The following SEMA5B variants were observed in gnomAD, a reference collection of about 807,000 sequenced individuals.
SEMA5B encodes the protein semaphorin 5B.
In SEMA5B, 66 loss-of-function variants were observed where a neutral mutation model predicts 135.0. The ratio of observed to expected loss-of-function variants is 0.49; its 90% CI spans 0.40 to 0.60. The LOEUF (loss-of-function observed/expected upper bound fraction) is 0.60. Ranked by LOEUF, SEMA5B falls within the 20% of genes least tolerant of loss-of-function variation. SEMA5B has a pLI of 0.00. For missense variants in SEMA5B, 1,501 were observed against 1,566.3 expected (o/e 0.96, Z 0.70); for synonymous variants, 690 against 639.5 (o/e 1.08, Z -1.19).
chr3:122,915,803 G>A lies in SEMA5B; in HGVS notation c.1776C>T (p.Ser592=). Residue 592 remains serine, a synonymous_variant, in exon 13 of 23, where the codon AGC becomes AGT. Coordinates refer to ENST00000357599, the MANE Select transcript of SEMA5B (RefSeq NM_001031702.4). ...AGGCGGTGATGTTCTGGGTCCAGAG[G>A]CTCATGTTGGAGCTGTCCTCGAGTG... The part of the protein sequence containing the change: ...CSTLEDSSNM[S]LWTQNITACP... 1 of 1,614,122 alleles carries A rather than the reference G, an allele frequency of 6.2e-7. No homozygotes were observed. The highest frequency in any genetic ancestry group is 1.1e-5 in the South Asian group (1 of 91,080).
chr3:122,911,865 G>C, intron 20 of SEMA5B, 55 bp downstream of exon 20: 1 of 1,529,970 alleles, frequency 6.5e-7, no homozygotes, highest in Non-Finnish European at 8.8e-7. Flanking sequence ...GGAGAAGGAA[G>C]TTGGGAGTGC....
chr3:122,914,313 A>G (rs2107615430), intron 14 of SEMA5B, among the ~76,000 whole-genome samples: 1 of 152,330 alleles, frequency 6.6e-6, no homozygotes, highest in African/African-American at 2.4e-5. Context: ...AGAAGGCCCT[A>G]GTCCCCTTTC....
chr3:123,005,193 C>T (rs962299552), intron 1 of SEMA5B, among the ~76,000 whole-genome samples: 3 of 152,168 alleles, frequency 2.0e-5, no homozygotes, highest in African/African-American at 7.2e-5. Context: ...CCACAGCCTT[C>T]CTCCACCTGT....
chr3:122,914,115 G>A (rs979277459), intron 14 of SEMA5B, 114 bp from the exon 15 acceptor site: 15 of 1,181,284 alleles, frequency 1.3e-5, no homozygotes, highest in Non-Finnish European at 1.7e-5. Context: ...GCTGGACAGT[G>A]ACATAGAAAT....
intron 1 of SEMA5B, among the ~76,000 whole-genome samples, chr3:122,997,521 C>CCCCCCA: frequency 6.6e-6 from 1 of 151,766 alleles, no homozygotes; most frequent in Non-Finnish European, 1.5e-5. Context: ...AGGCCTCTCC[C>CCCCCCA]CCCCCCGTCT....
chr3:123,026,452 G>A (rs1022939276), intron 1 of SEMA5B, among the ~76,000 whole-genome samples: 5 of 151,992 alleles, frequency 3.3e-5, no homozygotes, highest in African/African-American at 9.7e-5. Flanking sequence ...GAGGTGGGGG[G>A]CGGGGGCGGG....
chr3:122,998,362 C>A (rs1248754411), intron 1 of SEMA5B, among the ~76,000 whole-genome samples: 1 of 152,174 alleles, frequency 6.6e-6, no homozygotes, highest in East Asian at 1.9e-4. Flanking sequence ...AAGAACCTTG[C>A]CGAATCCTGA....
chr3:122,988,048 T>A (rs1941755220), intron 1 of SEMA5B, among the ~76,000 whole-genome samples: 1 of 151,998 alleles, frequency 6.6e-6, no homozygotes, highest in African/African-American at 2.4e-5. Context: ...CTGAGCTGCA[T>A]CAGAACCACC....
chr3:122,975,921 T>A lies in SEMA5B; in HGVS notation c.-38-14620A>T, dbSNP rs1000869148. The A allele has an allele frequency of 1.1e-5, 17 of 1,499,470 alleles. No homozygotes were observed. In the African/African-American group the frequency reaches 2.2e-4, roughly 20 times the overall value. The allele number at this position is 1,499,470 out of a possible 1,614,324, so 92.9% of individuals were successfully genotyped here. A position where few individuals can be genotyped will look rare whatever the true frequency, so the allele number is the denominator to read the frequency against. On this transcript the variant is annotated intron_variant, in intron 1 of 22. Coordinates refer to ENST00000357599, the MANE Select transcript of SEMA5B (RefSeq NM_001031702.4). ...GCCTCAGACTCCCTCTCCTGCCCCC[T>A]CTCTGGCCATTCCCCCTCCATCCAA... is the stretch of plus-strand genomic sequence containing the variant.
At chr3:122,990,643 TC>T (rs1186037165) in intron 1 of SEMA5B, among the ~76,000 whole-genome samples, 1 of 151,972 alleles carries the variant, frequency 6.6e-6, no homozygotes, top group African/African-American at 2.4e-5. Flanking sequence ...CCACACTGCC[TC>T]CTGTTCACAT....
intron 1 of SEMA5B, among the ~76,000 whole-genome samples, chr3:122,987,343 G>T (rs1422951789): frequency 6.6e-6 from 1 of 152,222 alleles, no homozygotes; most frequent in Non-Finnish European, 1.5e-5. Flanking sequence ...ACAGAATCCA[G>T]CCAGTGGCGG....
intron 1 of SEMA5B, among the ~76,000 whole-genome samples, chr3:122,998,446 G>A (rs987541212): frequency 1.3e-5 from 2 of 152,330 alleles, no homozygotes; most frequent in Middle Eastern, 3.4e-3. Context: ...GTTAAATGGG[G>A]AAGATAAAAG....
At chr3:122,969,821 T>G (rs976136990) in intron 1 of SEMA5B, among the ~76,000 whole-genome samples, 2 of 152,178 alleles carry the variant, frequency 1.3e-5, no homozygotes, top group African/African-American at 2.4e-5. Flanking sequence ...TAGTGGGGAA[T>G]GTAAGAATCA....
chr3:122,969,082 C>G (rs1439436708), intron 1 of SEMA5B, among the ~76,000 whole-genome samples: 1 of 152,162 alleles, frequency 6.6e-6, no homozygotes. Flanking sequence ...CTATGACAGA[C>G]AGTGTGCTAA....
intron 10 of SEMA5B, 29 bp from the exon 11 acceptor site, chr3:122,922,476 C>A: frequency 6.4e-7 from 1 of 1,557,418 alleles, no homozygotes. Flanking sequence ...TCACGCGCGC[C>A]CCGGCCACCA....
intron 1 of SEMA5B, among the ~76,000 whole-genome samples, chr3:123,015,107 G>A (rs1035457383): frequency 4.6e-5 from 7 of 152,174 alleles, no homozygotes; most frequent in Admixed American, 6.5e-5. Context: ...AGGGAAGCAC[G>A]GAGCAGATCT....
At chr3:122,953,433 A>C (rs1208403503) in intron 2 of SEMA5B, among the ~76,000 whole-genome samples, 1 of 152,154 alleles carries the variant, frequency 6.6e-6, no homozygotes, top group Non-Finnish European at 1.5e-5. Context: ...TTCCATTCTC[A>C]TTAGATTTTT....
chr3:122,925,023 C>T (rs1938553181), intron 9 of SEMA5B, among the ~76,000 whole-genome samples: 1 of 152,212 alleles, frequency 6.6e-6, no homozygotes, highest in Non-Finnish European at 1.5e-5. Context: ...GCAATCAATA[C>T]ACTATTTAGA....
rs562981559 is a variant in SEMA5B at position 122,936,993 on chromosome 3, G to T, written c.474+2432C>A. Among the ~76,000 whole-genome samples the T allele has an allele frequency of 1.6e-4, 25 of 152,332 alleles. No homozygotes were observed. The South Asian group carries it at 3.9e-3, about 24-fold the overall frequency. On this transcript the variant is annotated intron_variant, in intron 5 of 22. Coordinates refer to ENST00000357599, the MANE Select transcript of SEMA5B (RefSeq NM_001031702.4). ...TGTTTACATTTAGATTTTTCTTTACGTAATGTTAATTATTTAAACTATCAA... is the reference window on the plus strand; with the variant it reads ...TGTTTACATTTAGATTTTTCTTTACTTAATGTTAATTATTTAAACTATCAA...
Sources: gnomAD v4.1 joint callset for allele counts (sites outside exome capture counted in the v4.1 genomes callset) on GRCh38, gnomAD v4.1.1 for gene constraint, MANE v1.5 for transcripts, NCBI Gene and HGNC (gene_info 2026-07-23, HGNC 2026-07-21) for gene names.